Variants in ZNF20 observed in about 807,000 individuals in gnomAD.
ZNF20 encodes zinc finger protein 20, also known as zinc finger protein KOX13.
Under a neutral mutation model 11.0 loss-of-function variants are expected in ZNF20, and 9 were observed. The ratio of observed to expected loss-of-function variants is 0.82; its 90% CI spans 0.49 to 1.43. The LOEUF (loss-of-function observed/expected upper bound fraction) is 1.43, where lower values mean the gene tolerates loss of function less well. Ranked by LOEUF, ZNF20 falls within the 40% of genes most tolerant of loss-of-function variation. The pLI is 0.00. For missense variants in ZNF20, 528 were observed against 640.8 expected, an observed-to-expected ratio of 0.82 and a Z score of 1.90; for synonymous variants, 182 against 213.0, an observed-to-expected ratio of 0.85 and a Z score of 1.27.
In ZNF20 at chr19:12,140,316, C is replaced by G; in HGVS notation, c.-134G>C. 1 of 1,127,600 alleles carries G rather than the reference C, an allele frequency of 8.9e-7. No homozygotes were observed. Among genetic ancestry groups the G allele is most frequent in the Non-Finnish European group, 1.3e-6 (1 of 762,158 alleles). 69.8% of individuals were successfully genotyped at this position (1,127,600 alleles called of 1,614,324 possible). On this transcript the variant is annotated 5_prime_UTR_variant, in exon 1 of 4. Coordinates refer to ENST00000334213, the MANE Select transcript of ZNF20 (RefSeq NM_021143.4). ...TCTCGGAGTAGGAAATCTGGTATCC[C>G]GACAACAACCTGCATAGCAACAAAA...
chr19:12,135,724 G>GCT, intron 2 of ZNF20, 45 bp downstream of exon 2: 1 of 1,608,180 alleles, frequency 6.2e-7, no homozygotes, highest in East Asian at 2.2e-5. Flanking sequence ...TGAGCTAGAA[G>GCT]CATTTGTTCT....
Position 12,132,819 on chromosome 19 carries a change from C to T in ZNF20, c.1367G>A (p.Cys456Tyr), listed in dbSNP as rs1348215553. The change falls in exon 4 of 4, where the codon TGT (cysteine) becomes TAT (tyrosine). Residue 456 changes from cysteine (C) to tyrosine (Y), a missense_variant. Physicochemically the swap from Cys to Tyr is radical, Grantham distance 194. Coordinates refer to ENST00000334213, the MANE Select transcript of ZNF20 (RefSeq NM_021143.4). Reference protein sequence around the residue: ...TGDKPYECKVCGKAFTCSSSI... With the variant: ...TGDKPYECKVYGKAFTCSSSI... The stretch of plus-strand genomic sequence containing the variant: ...ACTGGAACAAGTGAAGGCTTTGCCA[C>T]ATACCTTACACTCATATGGCTTATC... 6.2e-7 allele frequency: 1 copy of T among 1,614,008 alleles called. No homozygotes were observed.
In ZNF20 at chr19:12,136,935, T is replaced by G. The variant is rs17001801; in HGVS notation, c.4-1031A>C. On this transcript the variant is annotated intron_variant, in intron 1 of 3. Transcript: ENST00000334213. ...ATCTCCATATGAATTAATTCTAGAG[T>G]TGCCTGTTACCGTGACTTCTTATGT... 3.5e-3 allele frequency: 1,433 copies of G among 407,366 alleles called. 23 individuals carry two copies. Among genetic ancestry groups the G allele is most frequent in the African/African-American group, 0.028 (1,299 of 46,892 alleles). 25.2% of individuals were successfully genotyped at this position (407,366 alleles called of 1,614,324 possible).
Position 12,131,730 on chromosome 19 carries a change from A to G in ZNF20, c.*857T>C, listed in dbSNP as rs569970149. 1 of 152,354 alleles carries G rather than the reference A, an allele frequency of 6.6e-6. No homozygotes were observed. Among genetic ancestry groups the G allele is most frequent in the African/African-American group, 2.4e-5 (1 of 41,582 alleles). 9.4% of individuals were successfully genotyped at this position (152,354 alleles called of 1,614,324 possible). A position where few individuals can be genotyped will look rare whatever the true frequency, so the allele number is the denominator to read the frequency against. ...TGTAATGTAGCTTCTTCATTAAAAA[A>G]TAATAATTGTTAGTATGCAGTTGTT... On this transcript the variant is annotated 3_prime_UTR_variant, in exon 4 of 4. Transcript: ENST00000334213.
Position 12,140,230 on chromosome 19 carries a change from T to C in ZNF20, c.-48A>G. The C allele has an allele frequency of 3.1e-6, 5 of 1,592,706 alleles. No homozygotes were observed. The highest frequency in any genetic ancestry group is 1.3e-5 in the African/African-American group (1 of 74,534). On this transcript the variant is annotated 5_prime_UTR_variant, in exon 1 of 4. Transcript: ENST00000334213. ...GTGTCCTCTCTAGGGCTCCCGTGAA[T>C]AGTGCGGGTCACGGTGCAGGCGGCA... is the stretch of plus-strand genomic sequence containing the variant.
rs1418745854 is a variant in ZNF20 at position 12,139,493 on chromosome 19, G to A, written c.3+687C>T. Among the ~76,000 whole-genome samples, 3 of 151,754 alleles carry A rather than the reference G, an allele frequency of 2.0e-5. No homozygotes were observed. The highest frequency in any genetic ancestry group is 2.9e-5 in the Non-Finnish European group (2 of 67,952). ...CCAAAACCACAAATCATGACTGGGC[G>A]TTTCTCACTCATGAATCGCTGTTTG... On this transcript the variant is annotated intron_variant, in intron 1 of 3. Transcript: ENST00000334213. The surrounding 1 kb of genome is among the most constrained non-coding windows in gnomAD (Gnocchi z 4.0).
At chr19:12,134,411 G>C (rs1489445844) in intron 3 of ZNF20, among the ~76,000 whole-genome samples, 2 of 152,198 alleles carry the variant, frequency 1.3e-5, no homozygotes, top group African/African-American at 4.8e-5. Flanking sequence ...GGGAGGTTGA[G>C]GCGGGCAGAT....
rs758947882 is a variant in ZNF20 at position 12,132,887 on chromosome 19, C to A, written c.1299G>T (p.Arg433Ser). 6.2e-7 allele frequency: 1 copy of A among 1,613,806 alleles called. No individual in the cohort carries two copies. The change falls in exon 4 of 4, where the codon AGG becomes AGT. Residue 433 changes from arginine to serine, a missense_variant. By Grantham distance (110) the Arg-to-Ser change is moderately radical (BLOSUM62 -1). Coordinates refer to ENST00000334213, the MANE Select transcript of ZNF20 (RefSeq NM_021143.4). ...CATGTATATGCAAGGAAGAGAAATA[C>A]CTGAATGCTTTTCCACATTGCTTAC... ...HECKQCGKAF[R>S]YFSSLHIHER...
At chr19:12,135,031 G>A (rs1257027381) in intron 3 of ZNF20, among the ~76,000 whole-genome samples, 1 of 151,988 alleles carries the variant, frequency 6.6e-6, no homozygotes, top group Non-Finnish European at 1.5e-5. Context: ...GCGCAACAGT[G>A]CCCAGCCCAG....
In ZNF20 at chr19:12,140,164, G is replaced by C; in HGVS notation, c.3+16C>G. 1 of 1,599,670 alleles carries C rather than the reference G, an allele frequency of 6.3e-7. No homozygotes were observed. Reference sequence around the variant, plus strand: ...AGCCCCTCCCCCGTCTGGGGACTCCGGCCCCATACACTCACCATTTCCCGG... The same window carrying C: ...AGCCCCTCCCCCGTCTGGGGACTCCCGCCCCATACACTCACCATTTCCCGG... On this transcript the variant is annotated intron_variant, in intron 1 of 3. Transcript: ENST00000334213.
chr19:12,139,243 C>T lies in ZNF20; in HGVS notation c.3+937G>A, dbSNP rs1976760592. On this transcript the variant is annotated intron_variant, in intron 1 of 3. Coordinates refer to ENST00000334213, the MANE Select transcript of ZNF20 (RefSeq NM_021143.4). The surrounding 1 kb of genome is among the most constrained non-coding windows in gnomAD (Gnocchi z 4.0). ...TCCTCTCCTTTTACATAGAGTATAC[C>T]CCAAGTAACCAATGGAATCCTCCAG... 6.6e-6 allele frequency among the ~76,000 whole-genome samples: 1 copy of T among 152,170 alleles called. No individual in the cohort carries two copies. Among genetic ancestry groups the T allele is most frequent in the Admixed American group, 6.5e-5 (1 of 15,274 alleles).
At chr19:12,135,720 AG>A in intron 2 of ZNF20, 48 bp downstream of exon 2, 1 of 1,608,082 alleles carries the variant, frequency 6.2e-7, no homozygotes, top group Non-Finnish European at 8.5e-7. Flanking sequence ...TTGATGAGCT[AG>A]AAGCATTTGT....
chr19:12,132,715 T>C lies in ZNF20; in HGVS notation c.1471A>G (p.Asn491Asp). The change falls in exon 4 of 4, where the codon AAT becomes GAT. Residue 491 changes from asparagine (N) to aspartate (D), a missense_variant. By Grantham distance (23) the Asn-to-Asp change is conservative. Coordinates refer to ENST00000334213, the MANE Select transcript of ZNF20 (RefSeq NM_021143.4). ...GTCCTTTCATGATATCGAATGTAAT[T>C]GGAAATAAAGGCCTTACCACAGTGC... ...CKHCGKAFIS[N>D]YIRYHERTHT... 6.2e-7 allele frequency: 1 copy of C among 1,613,766 alleles called. No homozygotes were observed.
Position 12,133,634 on chromosome 19 carries a change from T to C in ZNF20, c.552A>G (p.Ser184=), listed in dbSNP as rs755663692. Residue 184 remains serine (S), a synonymous_variant, in exon 4 of 4, where the codon TCA becomes TCG. Transcript: ENST00000334213. The part of the protein sequence containing the change: ...KECTETFISH[S]CIQRHRVMHS... ...GCATTACCCTGTGTCTTTGAATGCA[T>C]GAATGGGAAATGAAGGTTTCTGTAC... 1 of 1,614,108 alleles carries C rather than the reference T, an allele frequency of 6.2e-7. No homozygotes were observed. The highest frequency in any genetic ancestry group is 8.5e-7 in the Non-Finnish European group (1 of 1,180,034).
rs1193179493 is a variant in ZNF20 at position 12,139,995 on chromosome 19, G to A, written c.3+185C>T. The stretch of plus-strand genomic sequence containing the variant: ...GCAGGAACAGAACAGGAGGACGCCC[G>A]GGGTCCCGGCTGCCGGCCCAGCCGC... On this transcript the variant is annotated intron_variant, in intron 1 of 3. Coordinates refer to ENST00000334213, the MANE Select transcript of ZNF20 (RefSeq NM_021143.4). The surrounding 1 kb of genome is among the most constrained non-coding windows in gnomAD (Gnocchi z 4.0). 6.6e-6 allele frequency among the ~76,000 whole-genome samples: 1 copy of A among 152,182 alleles called. No homozygotes were observed. The highest frequency in any genetic ancestry group is 1.5e-5 in the Non-Finnish European group (1 of 68,034).
intron 1 of ZNF20, among the ~76,000 whole-genome samples, 153 bp downstream of exon 1, chr19:12,140,027 C>A (rs1370756481): frequency 2.0e-5 from 3 of 152,158 alleles, no homozygotes; most frequent in South Asian, 2.1e-4. Flanking sequence ...CCGCACCCTG[C>A]GGCCGAGGGG....
At position 12,139,910 on chromosome 19, in the gene ZNF20, G is replaced by A. The variant is rs900531675; in HGVS notation, c.3+270C>T. ...TCCCCGCAAAATCTGAAGAGACGCG[G>A]GGCTGCAGGCGCGGAGCTGCCCAGA... On this transcript the variant is annotated intron_variant, in intron 1 of 3. Transcript: ENST00000334213. The surrounding 1 kb of genome is among the most constrained non-coding windows in gnomAD (Gnocchi z 4.0). 7.9e-5 allele frequency among the ~76,000 whole-genome samples: 12 copies of A among 152,176 alleles called. No homozygotes were observed. Among genetic ancestry groups the A allele is most frequent in the Non-Finnish European group, 1.6e-4 (11 of 68,016 alleles).
rs761462185 is a variant in ZNF20, at chr19:12,132,705, C to T, written c.1481G>A (p.Arg494Gln). Residue 494 changes from arginine (R) to glutamine (Q), a missense_variant, in exon 4 of 4, where the codon CGA becomes CAA. Physicochemically the swap from Arg to Gln is conservative, Grantham distance 43 (BLOSUM62 1). Transcript: ENST00000334213. Reference sequence around the variant, plus strand: ...TCCAGTGTGAGTCCTTTCATGATATCGAATGTAATTGGAAATAAAGGCCTT... The same window carrying T: ...TCCAGTGTGAGTCCTTTCATGATATTGAATGTAATTGGAAATAAAGGCCTT... ...CGKAFISNYI[R>Q]YHERTHTGEK... is the part of the protein sequence containing the mutation. The T allele has an allele frequency of 1.4e-5, 22 of 1,612,972 alleles. No individual in the cohort carries two copies. Among genetic ancestry groups the T allele is most frequent in the East Asian group, 6.7e-5 (3 of 44,788 alleles).
chr19:12,132,617 T>C lies in ZNF20; in HGVS notation c.1569A>G (p.Glu523=). ...KAFIRASSCR[E]HERTHTINR ...TATTAATGGTATGAGTTCTTTCATG[T>C]TCTCGACATGAACTGGCACGAATAA... Residue 523 remains glutamate, a synonymous_variant, in exon 4 of 4, where the codon GAA becomes GAG. Coordinates refer to ENST00000334213, the MANE Select transcript of ZNF20 (RefSeq NM_021143.4). The C allele has an allele frequency of 6.2e-7, 1 of 1,604,050 alleles. No individual in the cohort carries two copies. Among genetic ancestry groups the C allele is most frequent in the Admixed American group, 1.7e-5 (1 of 57,356 alleles).
Sources: allele counts gnomAD v4.1 joint callset (sites outside exome capture counted in the v4.1 genomes callset), GRCh38; gene constraint gnomAD v4.1.1; non-coding constraint Gnocchi (gnomAD v3.1); transcripts MANE v1.5; gene names NCBI Gene and HGNC (gene_info 2026-07-23, HGNC 2026-07-21).